GPLD1: variants seen among roughly 807,000 people sequenced by gnomAD.
The protein encoded by GPLD1 is phosphatidylinositol-glycan-specific phospholipase D.
Under a neutral mutation model 112.6 loss-of-function variants are expected in GPLD1, and 84 were observed. That is an observed-to-expected ratio of 0.75 (90% CI 0.63 to 0.89). The LOEUF (loss-of-function observed/expected upper bound fraction) is 0.89. Ranked by LOEUF, GPLD1 falls within the 40% of genes least tolerant of loss-of-function variation. The probability of loss-of-function intolerance (pLI) is 0.00; values close to 1 mark genes in which losing one functional copy is unlikely to be tolerated. For synonymous variants in GPLD1, 386 were observed against 403.8 expected, an observed-to-expected ratio of 0.96 and a Z score of 0.53; for missense variants, 1,044 against 1,051.5, an observed-to-expected ratio of 0.99 and a Z score of 0.10.
chr6:24,444,828 G>T (rs1762855581), intron 20 of GPLD1, among the ~76,000 whole-genome samples: 1 of 152,012 alleles, frequency 6.6e-6, no homozygotes, highest in Non-Finnish European at 1.5e-5. Flanking sequence ...CAGCCTGGGC[G>T]ACACAGCAAG....
At chr6:24,464,348 T>TA (rs1257432252) in intron 10 of GPLD1, among the ~76,000 whole-genome samples, 1 of 152,166 alleles carries the variant, frequency 6.6e-6, no homozygotes, top group Non-Finnish European at 1.5e-5. Context: ...GCAGATCCCT[T>TA]AAATTCTGTA....
chr6:24,490,174 T>G (rs1410810699), upstream of GPLD1, among the ~76,000 whole-genome samples: 2 of 152,150 alleles, frequency 1.3e-5, no homozygotes, highest in African/African-American at 4.8e-5. Context: ...AAGGTCAGAT[T>G]CCTGCAGCTG....
rs771588166 is a variant in GPLD1 at position 24,436,703 on chromosome 6, G to C, written c.2231C>G (p.Ala744Gly). 6.2e-7 allele frequency: 1 copy of C among 1,613,976 alleles called. No homozygotes were observed. Among genetic ancestry groups the C allele is most frequent in the Non-Finnish European group, 8.5e-7 (1 of 1,179,960 alleles). The change falls in exon 22 of 25, where the codon GCA becomes GGA. Residue 744 changes from alanine (A) to glycine (G), a missense_variant. Transcript: ENST00000230036. ...EIIMAAPLRI[A>G]DVTSGLIGGE... ...CCCAATCAGTCCAGAGGTTACATCT[G>C]CTATCCTCAGGGGGGCTGCCATGAT... is the stretch of plus-strand genomic sequence containing the variant.
chr6:24,427,703 G>A lies in GPLD1; in HGVS notation c.*1329C>T, dbSNP rs984156229. Among the ~76,000 whole-genome samples, 6 of 151,778 alleles carry A rather than the reference G, an allele frequency of 4.0e-5. No homozygotes were observed. The highest frequency in any genetic ancestry group is 1.3e-4 in the Admixed American group (2 of 15,210). On this transcript the variant is annotated 3_prime_UTR_variant, in exon 25 of 25. Transcript: ENST00000230036. Reference sequence around the variant, plus strand: ...TCTACTAAAAATACAAAAATTAGCCGGGCGTAGTATTGTGCACCTGTAGTC... The same window carrying A: ...TCTACTAAAAATACAAAAATTAGCCAGGCGTAGTATTGTGCACCTGTAGTC...
At chr6:24,425,272 G>C (rs751596546), downstream of GPLD1, 4 of 152,128 alleles carry the variant, frequency 2.6e-5, no homozygotes, top group Non-Finnish European at 5.9e-5. Flanking sequence ...TGAAGAATTG[G>C]AATCCCAGAG....
chr6:24,493,608 C>CA (rs1217993175), upstream of GPLD1, among the ~76,000 whole-genome samples: 2 of 152,192 alleles, frequency 1.3e-5, no homozygotes, highest in East Asian at 3.8e-4. Context: ...CCTACTGGCC[C>CA]ACATCCCTAT....
Position 24,479,920 on chromosome 6 carries a change from C to T in GPLD1, c.193G>A (p.Val65Met), listed in dbSNP as rs773905050. Residue 65 changes from valine to methionine, a missense_variant, in exon 3 of 25, where the codon GTG (valine) becomes ATG (methionine). Physicochemically the swap from Val to Met is conservative, Grantham distance 21. Transcript: ENST00000230036. ...EHQDAYQAGIVFPDCFYPSIC... is the reference protein window; with the variant it reads ...EHQDAYQAGIMFPDCFYPSIC... ...CTAGGGTAAAAACAATCAGGAAACA[C>T]GATTCCAGCCTGATACGCATCCTGG... The T allele has an allele frequency of 7.4e-6, 12 of 1,610,820 alleles. No homozygotes were observed. The highest frequency in any genetic ancestry group is 5.0e-5 in the Admixed American group (3 of 59,988).
At chr6:24,467,953 C>A (rs1176969435) in intron 7 of GPLD1, among the ~76,000 whole-genome samples, 2 of 151,984 alleles carry the variant, frequency 1.3e-5, no homozygotes, top group Non-Finnish European at 2.9e-5. Context: ...GTTGCCCAGG[C>A]TGGAGTGCAA....
chr6:24,469,898 T>C (rs57523565), intron 7 of GPLD1, among the ~76,000 whole-genome samples: 3,593 of 152,278 alleles, frequency 0.024, 121 homozygotes, highest in African/African-American at 0.081. Flanking sequence ...TTTTATTTTA[T>C]AAGAGCACTG....
Position 24,485,957 on chromosome 6 carries a change from C to G in GPLD1, c.153+118G>C. On this transcript the variant is annotated intron_variant, in intron 2 of 24. Coordinates refer to ENST00000230036, the MANE Select transcript of GPLD1 (RefSeq NM_001503.4). ...GTGCTGGGATTACAGGCATGAGCCA[C>G]CACGCCCAGCCAAAATGAGTCTTAA... 6 of 660,372 alleles carry G rather than the reference C, an allele frequency of 9.1e-6. No homozygotes were observed. In the South Asian group the frequency reaches 1.1e-4, roughly 12 times the overall value. The allele number at this position is 660,372 out of a possible 1,614,324, so 40.9% of individuals were successfully genotyped here. A position where few individuals can be genotyped will look rare whatever the true frequency, so the allele number is the denominator to read the frequency against.
At chr6:24,479,219 C>T (rs2127365978) in intron 3 of GPLD1, among the ~76,000 whole-genome samples, 1 of 152,264 alleles carries the variant, frequency 6.6e-6, no homozygotes, top group East Asian at 1.9e-4. Context: ...CCATAAACTT[C>T]TCCCCCACAC....
At chr6:24,491,528 G>A (rs56233736), upstream of GPLD1, among the ~76,000 whole-genome samples, 423 of 152,086 alleles carry the variant, frequency 2.8e-3, no homozygotes, top group Admixed American at 5.1e-3. Context: ...GCAAAATCCC[G>A]TCTCTACCAA....
chr6:24,495,281 G>T, upstream of GPLD1: 2 of 1,532,564 alleles, frequency 1.3e-6, no homozygotes, highest in Non-Finnish European at 1.7e-6. Context: ...ACTGCGGGGT[G>T]CGAGAGGCCC....
In GPLD1 at chr6:24,489,457, G is replaced by A. The variant is rs368631476; in HGVS notation, c.55C>T (p.His19Tyr). The A allele has an allele frequency of 9.9e-6, 16 of 1,613,874 alleles. No homozygotes were observed. The highest frequency in any genetic ancestry group is 1.4e-5 in the Non-Finnish European group (16 of 1,179,800). Residue 19 changes from histidine to tyrosine, a missense_variant, in exon 1 of 25, where the codon CAT becomes TAT. Physicochemically the swap from His to Tyr is moderately conservative, Grantham distance 83. Coordinates refer to ENST00000230036, the MANE Select transcript of GPLD1 (RefSeq NM_001503.4). Reference protein sequence around the residue: ...GLLIMLGSLCHRGSPCGLSTH... With the variant: ...GLLIMLGSLCYRGSPCGLSTH... ...GAAAGGCCACACGGTGAACCTCTAT[G>A]GCAGAGAGAACCCAACATGATCAGC...
intron 10 of GPLD1, among the ~76,000 whole-genome samples, chr6:24,463,526 T>C (rs1763502860): frequency 6.6e-6 from 1 of 152,236 alleles, no homozygotes; most frequent in Non-Finnish European, 1.5e-5. Flanking sequence ...AACATTTCTC[T>C]GGCCAGGTTT....
rs1762221336 is a variant in GPLD1, at chr6:24,425,947, T to C, written c.*3085A>G. The C allele has an allele frequency of 6.6e-6, 1 of 152,202 alleles. No individual in the cohort carries two copies. The highest frequency in any genetic ancestry group is 2.4e-5 in the African/African-American group (1 of 41,460). The allele number at this position is 152,202 out of a possible 1,614,324, so 9.4% of individuals were successfully genotyped here. On this transcript the variant is annotated 3_prime_UTR_variant, in exon 25 of 25. Coordinates refer to ENST00000230036, the MANE Select transcript of GPLD1 (RefSeq NM_001503.4). ...TTGGATTTAACTCTCATGACTTTAGTAATACCTACAGAGGTGAGCTAATGG... is the reference window on the plus strand; with the variant it reads ...TTGGATTTAACTCTCATGACTTTAGCAATACCTACAGAGGTGAGCTAATGG...
intron 22 of GPLD1, among the ~76,000 whole-genome samples, chr6:24,435,278 TG>T (rs1762534686): frequency 1.3e-5 from 2 of 152,132 alleles, no homozygotes; most frequent in Non-Finnish European, 2.9e-5. Flanking sequence ...CCCAAAGTGC[TG>T]GGATTACAGG....
intron 1 of GPLD1, among the ~76,000 whole-genome samples, chr6:24,487,252 C>A (rs1025733734): frequency 7.4e-5 from 9 of 122,102 alleles, no homozygotes; most frequent in African/African-American, 3.1e-4. Context: ...TAATGCTGAC[C>A]TTCCACTCAG....
intron 2 of GPLD1, among the ~76,000 whole-genome samples, 176 bp from the exon 3 acceptor site, chr6:24,480,135 C>G (rs1437305899): frequency 6.6e-6 from 1 of 152,170 alleles, no homozygotes; most frequent in Non-Finnish European, 1.5e-5. Context: ...CACACATAAT[C>G]CAAGACAAAA....
Sources: gnomAD v4.1 joint callset for allele counts (sites outside exome capture counted in the v4.1 genomes callset) on GRCh38, gnomAD v4.1.1 for gene constraint, MANE v1.5 for transcripts, NCBI Gene and HGNC (gene_info 2026-07-23, HGNC 2026-07-21) for gene names.